Variants in ABCC4 observed in about 807,000 individuals in gnomAD.
ABCC4 encodes the protein ATP-binding cassette sub-family C member 4.
Under a neutral mutation model 168.5 loss-of-function variants are expected in ABCC4, and 102 were observed. The ratio of observed to expected loss-of-function variants is 0.61; its 90% CI spans 0.52 to 0.71. The LOEUF (loss-of-function observed/expected upper bound fraction) is 0.71. Ranked by LOEUF, ABCC4 falls within the 30% of genes least tolerant of loss-of-function variation. ABCC4 has a pLI of 0.00. For missense variants in ABCC4, 1,402 were observed against 1,605.8 expected (o/e 0.87, Z 2.17); for synonymous variants, 617 against 590.7 (o/e 1.04, Z -0.65).
chr13:95,131,237 A>T (rs188227401), intron 19 of ABCC4, among the ~76,000 whole-genome samples: 47 of 152,302 alleles, frequency 3.1e-4, no homozygotes, highest in Middle Eastern at 6.8e-3. Context: ...CAAGTGTAGG[A>T]TTAAAAAAAG....
intron 25 of ABCC4, among the ~76,000 whole-genome samples, chr13:95,067,152 A>AAC: frequency 6.6e-6 from 1 of 152,204 alleles, no homozygotes; most frequent in Non-Finnish European, 1.5e-5. Context: ...ACTCAAATAC[A>AAC]TCGCTGTGCT....
chr13:95,023,575 T>A (rs2031219314), intron 30 of ABCC4, among the ~76,000 whole-genome samples: 1 of 152,194 alleles, frequency 6.6e-6, no homozygotes, highest in Non-Finnish European at 1.5e-5. Flanking sequence ...ACCAGCTGCC[T>A]CATCTGTAAC....
intron 19 of ABCC4, among the ~76,000 whole-genome samples, chr13:95,118,776 C>A (rs549760954): frequency 6.6e-6 from 1 of 152,208 alleles, no homozygotes; most frequent in African/African-American, 2.4e-5. Context: ...AATCTATTTT[C>A]GGACTGTTCT....
At chr13:95,181,269 G>C (rs983976736) in intron 11 of ABCC4, among the ~76,000 whole-genome samples, 4 of 152,222 alleles carry the variant, frequency 2.6e-5, no homozygotes, top group Non-Finnish European at 1.5e-5. Flanking sequence ...GACCACTGAG[G>C]ACACTATGGG....
chr13:95,275,031 T>C (rs2040939463), intron 1 of ABCC4, among the ~76,000 whole-genome samples: 2 of 152,152 alleles, frequency 1.3e-5, no homozygotes, highest in African/African-American at 2.4e-5. Context: ...GAGCCGAGAT[T>C]GTGCCACTGC....
intron 19 of ABCC4, among the ~76,000 whole-genome samples, chr13:95,119,848 G>C (rs2035501946): frequency 1.3e-5 from 2 of 152,142 alleles, no homozygotes; most frequent in African/African-American, 4.8e-5. Context: ...ATGAATTTTA[G>C]TAACTTTACT....
intron 20 of ABCC4, among the ~76,000 whole-genome samples, chr13:95,095,300 A>G (rs1459791977): frequency 6.6e-6 from 1 of 151,586 alleles, no homozygotes; most frequent in Non-Finnish European, 1.5e-5. Flanking sequence ...CTATCTATCT[A>G]TCTATCTATC....
At chr13:95,178,309 G>A (rs2037777179) in intron 11 of ABCC4, among the ~76,000 whole-genome samples, 1 of 152,226 alleles carries the variant, frequency 6.6e-6, no homozygotes, top group Non-Finnish European at 1.5e-5. Context: ...TTTTAATGCT[G>A]TAGCTTTTCA....
At chr13:95,296,769 G>A (rs562790037) in intron 1 of ABCC4, among the ~76,000 whole-genome samples, 1 of 152,304 alleles carries the variant, frequency 6.6e-6, no homozygotes, top group Admixed American at 6.5e-5. Flanking sequence ...ATTCCTAGGA[G>A]AGTCTCAGGG....
At chr13:95,237,835 T>C (rs1048052599) in intron 3 of ABCC4, among the ~76,000 whole-genome samples, 34 of 151,776 alleles carry the variant, frequency 2.2e-4, no homozygotes, top group African/African-American at 8.2e-4. Context: ...AAGAAGATGT[T>C]TGAGTGAAAA....
chr13:95,285,839 TG>T (rs2041242785), intron 1 of ABCC4, among the ~76,000 whole-genome samples: 1 of 152,144 alleles, frequency 6.6e-6, no homozygotes, highest in Non-Finnish European at 1.5e-5. Context: ...CCAAAGGTTC[TG>T]GAACAGAAAG....
chr13:95,216,883 G>GGAA (rs1346094146), intron 4 of ABCC4, among the ~76,000 whole-genome samples: 3 of 152,048 alleles, frequency 2.0e-5, no homozygotes, highest in African/African-American at 7.2e-5. Context: ...GTACGCCCTA[G>GGAA]GAAATGAAGG....
At chr13:95,276,924 C>T (rs1021376829) in intron 1 of ABCC4, among the ~76,000 whole-genome samples, 2 of 152,116 alleles carry the variant, frequency 1.3e-5, no homozygotes, top group East Asian at 3.9e-4. Flanking sequence ...GAGGCTGAGG[C>T]AGGAGAATCG....
chr13:95,210,796 G>A lies in ABCC4; in HGVS notation c.532-15C>T. The A allele has an allele frequency of 6.3e-7, 1 of 1,598,852 alleles. No individual in the cohort carries two copies. Among genetic ancestry groups the A allele is most frequent in the Non-Finnish European group, 8.6e-7 (1 of 1,166,406 alleles). ...AGACGAAGTGCCTGAAATAAAAGAG[G>A]TAAGTAGAGAATTGTATTCATGCAG... On this transcript the variant is annotated splice_polypyrimidine_tract_variant and intron_variant, in intron 4 of 30. Coordinates refer to ENST00000645237, the MANE Select transcript of ABCC4 (RefSeq NM_005845.5).
rs564828667 is a variant in ABCC4, at chr13:95,172,811, A to G, written c.1728-2183T>C. ...GCCAGGAGTGGTGGTGTGCACTTGT[A>G]GTCCCAGCTACTCGGGAGGATCACT... On this transcript the variant is annotated intron_variant, in intron 13 of 30. Transcript: ENST00000645237. 1.2e-4 allele frequency among the ~76,000 whole-genome samples: 19 copies of G among 152,168 alleles called. No individual in the cohort carries two copies. In the East Asian group the frequency reaches 3.3e-3, roughly 26 times the overall value.
chr13:95,139,547 A>G (rs992054243), intron 19 of ABCC4, among the ~76,000 whole-genome samples: 5 of 152,182 alleles, frequency 3.3e-5, no homozygotes, highest in Admixed American at 1.3e-4. Flanking sequence ...CCCATGCCCA[A>G]TGGGGCCGTG....
At chr13:95,179,072 C>T (rs543675003) in intron 11 of ABCC4, among the ~76,000 whole-genome samples, 28 of 152,216 alleles carry the variant, frequency 1.8e-4, no homozygotes, top group Admixed American at 7.2e-4. Flanking sequence ...AAATGCTGAC[C>T]GGCTATCCTG....
intron 19 of ABCC4, among the ~76,000 whole-genome samples, chr13:95,157,955 C>G (rs1028906949): frequency 6.6e-6 from 1 of 151,764 alleles, no homozygotes; most frequent in Non-Finnish European, 1.5e-5. Context: ...GCCTGTGGTC[C>G]CAGCTACTCT....
intron 26 of ABCC4, among the ~76,000 whole-genome samples, chr13:95,054,458 G>T (rs2032979632): frequency 2.0e-5 from 3 of 151,776 alleles, no homozygotes; most frequent in Admixed American, 1.3e-4. Context: ...TGAGGCAGGA[G>T]AATCACTTTG....
Sources: allele counts gnomAD v4.1 joint callset (sites outside exome capture counted in the v4.1 genomes callset), GRCh38; gene constraint gnomAD v4.1.1; transcripts MANE v1.5; gene names NCBI Gene and HGNC (gene_info 2026-07-23, HGNC 2026-07-21).